Variants in HDX observed in about 807,000 individuals in gnomAD.
HDX encodes highly divergent homeobox, also known as chromosome X open reading frame 43.
Under a neutral mutation model 45.2 loss-of-function variants are expected in HDX, and 19 were observed. That is an observed-to-expected ratio of 0.42 (90% CI 0.29 to 0.62). The LOEUF (loss-of-function observed/expected upper bound fraction) is 0.62, where lower values mean the gene tolerates loss of function less well. Among genes scored for constraint, HDX ranks in the 20% least tolerant of loss-of-function variants. The pLI, the probability that HDX is intolerant of heterozygous loss-of-function variation, is 0.20. For missense variants in HDX, 532 were observed against 493.9 expected (o/e 1.08, Z -0.73); for synonymous variants, 188 against 172.8 (o/e 1.09, Z -0.69).
chrX:84,427,817 A>G (rs1272637747), intron 5 of HDX, among the ~76,000 whole-genome samples: 2 of 111,189 alleles, frequency 1.8e-5, no homozygotes, highest in Non-Finnish European at 3.8e-5. Flanking sequence ...GGTAAAATAC[A>G]TATCAGTAGA....
intron 4 of HDX, among the ~76,000 whole-genome samples, chrX:84,441,103 T>C (rs969370187): frequency 5.4e-5 from 6 of 110,217 alleles, no homozygotes; most frequent in Non-Finnish European, 3.8e-5. Flanking sequence ...AACATAATAA[T>C]AAAATAAAAC....
intron 2 of HDX, among the ~76,000 whole-genome samples, chrX:84,484,647 C>T (rs958476861): frequency 6.3e-5 from 7 of 111,821 alleles, no homozygotes; most frequent in Non-Finnish European, 1.1e-4. Flanking sequence ...CTACCAATAG[C>T]ATGTAAGTGT....
chrX:84,385,050 T>C (rs1473701361), intron 5 of HDX, among the ~76,000 whole-genome samples: 3 of 110,073 alleles, frequency 2.7e-5, no homozygotes, highest in African/African-American at 9.9e-5. Flanking sequence ...TTTTTTTTTC[T>C]CATTCTTTGA....
At chrX:84,485,553 A>C (rs980959562) in intron 2 of HDX, among the ~76,000 whole-genome samples, 3 of 110,994 alleles carry the variant, frequency 2.7e-5, no homozygotes, top group Non-Finnish European at 5.7e-5. Flanking sequence ...ATGCATCACC[A>C]TGCCTGGCTA....
chrX:84,496,120 C>A (rs1246974010), intron 1 of HDX, among the ~76,000 whole-genome samples: 1 of 111,682 alleles, frequency 9.0e-6, no homozygotes, highest in African/African-American at 3.2e-5. Context: ...AGAGGCTTAG[C>A]GATTTTACCT....
intron 5 of HDX, among the ~76,000 whole-genome samples, chrX:84,379,158 A>G (rs534449657): frequency 9.1e-6 from 1 of 109,981 alleles, no homozygotes; most frequent in South Asian, 3.8e-4. Context: ...TTGATTTTAT[A>G]TATATAATCA....
intron 5 of HDX, among the ~76,000 whole-genome samples, chrX:84,374,564 G>T (rs1266919997): frequency 3.5e-5 from 1 of 28,975 alleles, no homozygotes; most frequent in African/African-American, 3.1e-4. Context: ...AAACAGAACA[G>T]AACAGAGCCC....
chrX:84,464,950 A>T, intron 4 of HDX, among the ~76,000 whole-genome samples: 1 of 112,149 alleles, frequency 8.9e-6, no homozygotes, highest in Non-Finnish European at 1.9e-5. Flanking sequence ...AATATCCAGA[A>T]TCTACAAAGA....
intron 1 of HDX, among the ~76,000 whole-genome samples, chrX:84,492,707 T>G (rs1383169684): frequency 9.0e-6 from 1 of 111,344 alleles, no homozygotes; most frequent in Non-Finnish European, 1.9e-5. Context: ...AATTTATATA[T>G]GAACCTCAAA....
At chrX:84,400,619 C>T (rs1212934359) in intron 5 of HDX, among the ~76,000 whole-genome samples, 1 of 110,847 alleles carries the variant, frequency 9.0e-6, no homozygotes, top group Non-Finnish European at 1.9e-5. Context: ...GTGAAAATGA[C>T]CATTCTACCC....
chrX:84,464,780 C>T (rs1295878949), intron 4 of HDX, among the ~76,000 whole-genome samples: 2 of 111,797 alleles, frequency 1.8e-5, no homozygotes, highest in Non-Finnish European at 3.8e-5. Context: ...GACTTCATGA[C>T]TAAAACACCA....
chrX:84,346,374 G>GT (rs1450423959), intron 6 of HDX, among the ~76,000 whole-genome samples: 4 of 111,427 alleles, frequency 3.6e-5, no homozygotes, highest in Non-Finnish European at 7.6e-5. Context: ...AGATACATAT[G>GT]AGATAATTCT....
At chrX:84,358,912 C>T (rs1300673892) in intron 6 of HDX, among the ~76,000 whole-genome samples, 2 of 111,054 alleles carry the variant, frequency 1.8e-5, no homozygotes, top group Non-Finnish European at 3.8e-5. Flanking sequence ...AGATGATCCT[C>T]CAGTGTGTGT....
At chrX:84,474,488 G>A (rs1458965049) in intron 3 of HDX, among the ~76,000 whole-genome samples, 1 of 111,549 alleles carries the variant, frequency 9.0e-6, no homozygotes, top group Non-Finnish European at 1.9e-5. Flanking sequence ...CTTAAGAACA[G>A]ACATCCTTTC....
rs772734502 is a variant in HDX, at chrX:84,360,305, A to G, written c.1452+1161T>C. 9.8e-5 allele frequency among the ~76,000 whole-genome samples: 11 copies of G among 112,186 alleles called. 1 individual carries two copies. In the South Asian group the frequency reaches 4.1e-3, roughly 41 times the overall value. The stretch of plus-strand genomic sequence containing the variant: ...CAGATGCTGGCAAGGCTGTGGAGAA[A>G]TAGGAACACTTTTACACTGTAGGTG... On this transcript the variant is annotated intron_variant, in intron 6 of 10. Coordinates refer to ENST00000373177, the MANE Select transcript of HDX (RefSeq NM_001177479.2).
chrX:84,392,062 T>C (rs1439282565), intron 5 of HDX, among the ~76,000 whole-genome samples: 2 of 111,910 alleles, frequency 1.8e-5, no homozygotes, highest in East Asian at 5.6e-4. Context: ...AGTAGTATTA[T>C]AGATTTGAAT....
intron 5 of HDX, among the ~76,000 whole-genome samples, chrX:84,412,370 T>C (rs1242181322): frequency 8.9e-6 from 1 of 111,838 alleles, no homozygotes; most frequent in Non-Finnish European, 1.9e-5. Context: ...AAAAAAATTC[T>C]GTATCATTTG....
At chrX:84,334,955 T>C (rs1602263320) in intron 8 of HDX, among the ~76,000 whole-genome samples, 1 of 110,868 alleles carries the variant, frequency 9.0e-6, no homozygotes, top group South Asian at 3.8e-4. Context: ...TGAACACACA[T>C]ACATACATAT....
At chrX:84,474,983 A>G (rs935648998) in intron 3 of HDX, among the ~76,000 whole-genome samples, 1 of 111,954 alleles carries the variant, frequency 8.9e-6, no homozygotes, top group African/African-American at 3.2e-5. Context: ...ATCAACAATG[A>G]ATCTTAAATG....
Sources: gnomAD v4.1 joint callset for allele counts (sites outside exome capture counted in the v4.1 genomes callset) on GRCh38, gnomAD v4.1.1 for gene constraint, MANE v1.5 for transcripts, NCBI Gene and HGNC (gene_info 2026-07-23, HGNC 2026-07-21) for gene names.